Variants in GPC3 observed in about 807,000 individuals in gnomAD.
GPC3 encodes the protein glypican-3.
Under a neutral mutation model 34.4 loss-of-function variants are expected in GPC3, and 3 were observed. The ratio of observed to expected loss-of-function variants is 0.09; its 90% CI spans 0.04 to 0.23. The LOEUF is 0.23. Among genes scored for constraint, GPC3 ranks in the 10% least tolerant of loss-of-function variants. The probability of loss-of-function intolerance (pLI) is 1.00; values close to 1 mark genes in which losing one functional copy is unlikely to be tolerated. For missense variants in GPC3, 351 were observed against 445.6 expected (o/e 0.79, Z 1.91); for synonymous variants, 177 against 174.0 (o/e 1.02, Z -0.13).
chrX:133,867,741 C>T (rs1364470372), intron 2 of GPC3, among the ~76,000 whole-genome samples: 2 of 107,445 alleles, frequency 1.9e-5, no homozygotes, highest in African/African-American at 6.8e-5. Context: ...CCGTCTTGTA[C>T]CCATATAAAC....
At chrX:133,892,350 T>A (rs1468052512) in intron 2 of GPC3, among the ~76,000 whole-genome samples, 1 of 111,534 alleles carries the variant, frequency 9.0e-6, no homozygotes, top group African/African-American at 3.3e-5. Flanking sequence ...AGCTCAGTTT[T>A]GCTCCTTCAC....
At chrX:133,728,201 G>A (rs943890286) in intron 3 of GPC3, among the ~76,000 whole-genome samples, 2 of 111,930 alleles carry the variant, frequency 1.8e-5, no homozygotes, top group East Asian at 2.8e-4. Context: ...AGTGGCCTAC[G>A]TGTCAATGAA....
At chrX:133,748,851 T>C (rs1413302132) in intron 3 of GPC3, among the ~76,000 whole-genome samples, 1 of 112,039 alleles carries the variant, frequency 8.9e-6, no homozygotes, top group African/African-American at 3.3e-5. Context: ...ACTAATTGCC[T>C]GTGGAACTTA....
intron 3 of GPC3, among the ~76,000 whole-genome samples, chrX:133,726,361 A>T (rs2071407772): frequency 8.9e-6 from 1 of 111,891 alleles, no homozygotes; most frequent in Middle Eastern, 4.3e-3. Context: ...CAGATTAATG[A>T]GTCATCATAA....
At chrX:133,661,387 T>C (rs1436206485) in intron 6 of GPC3, among the ~76,000 whole-genome samples, 6 of 111,090 alleles carry the variant, frequency 5.4e-5, no homozygotes, top group Non-Finnish European at 1.1e-4. Context: ...GTGAGAAATA[T>C]TTTTCCCTCT....
intron 2 of GPC3, among the ~76,000 whole-genome samples, chrX:133,778,502 T>G (rs1389342934): frequency 8.9e-6 from 1 of 112,199 alleles, no homozygotes; most frequent in Non-Finnish European, 1.9e-5. Flanking sequence ...TGATACGAAT[T>G]GAAACAGCAA....
intron 1 of GPC3, among the ~76,000 whole-genome samples, chrX:133,970,923 T>C (rs1275407032): frequency 2.7e-5 from 3 of 111,427 alleles, no homozygotes; most frequent in Admixed American, 9.6e-5. Flanking sequence ...AATAGTCCAA[T>C]TGGAATACAA....
chrX:133,536,917 C>T (rs1440093547), intron 7 of GPC3, among the ~76,000 whole-genome samples: 2 of 111,412 alleles, frequency 1.8e-5, no homozygotes, highest in Admixed American at 9.6e-5. Context: ...TTCATTTCCC[C>T]CTAAAAAGAA....
chrX:133,982,511 C>A (rs2076545344), intron 1 of GPC3, among the ~76,000 whole-genome samples: 1 of 112,042 alleles, frequency 8.9e-6, no homozygotes, highest in African/African-American at 3.2e-5. Context: ...CTAGTGTAGT[C>A]CTTCAGCACC....
At chrX:133,537,053 T>C (rs1171714824) in intron 7 of GPC3, among the ~76,000 whole-genome samples, 2 of 111,780 alleles carry the variant, frequency 1.8e-5, no homozygotes, top group African/African-American at 6.5e-5. Context: ...TGATATATGT[T>C]CATGATTCTG....
chrX:133,951,310 T>A (rs1233636372), intron 2 of GPC3, among the ~76,000 whole-genome samples: 1 of 110,184 alleles, frequency 9.1e-6, no homozygotes, highest in African/African-American at 3.3e-5. Context: ...AGTGCAGAAC[T>A]GGACAGAGGT....
chrX:133,819,940 T>C (rs1373938465), intron 2 of GPC3, among the ~76,000 whole-genome samples: 1 of 112,224 alleles, frequency 8.9e-6, no homozygotes, highest in African/African-American at 3.2e-5. Context: ...AAATCTATTC[T>C]TACCATTACT....
chrX:133,796,032 G>A (rs1383612479), intron 2 of GPC3, among the ~76,000 whole-genome samples: 4 of 96,840 alleles, frequency 4.1e-5, no homozygotes, highest in Admixed American at 1.2e-4. Flanking sequence ...TGCAAGCTCC[G>A]CCTCCCGGGT....
intron 2 of GPC3, among the ~76,000 whole-genome samples, chrX:133,853,201 A>G (rs1343522373): frequency 9.0e-6 from 1 of 111,579 alleles, no homozygotes; most frequent in East Asian, 2.8e-4. Context: ...AGTGGGTGTG[A>G]TACTACACAA....
intron 1 of GPC3, among the ~76,000 whole-genome samples, chrX:133,956,894 T>C (rs1387269669): frequency 2.7e-5 from 3 of 111,703 alleles, no homozygotes; most frequent in Non-Finnish European, 5.6e-5. Context: ...TGAACTACCA[T>C]GACACCAGTT....
intron 6 of GPC3, among the ~76,000 whole-genome samples, chrX:133,606,262 T>C (rs1359286185): frequency 9.0e-6 from 1 of 111,545 alleles, no homozygotes; most frequent in African/African-American, 3.3e-5. Context: ...AAGTGGAAAA[T>C]TTCCAATAAT....
intron 6 of GPC3, among the ~76,000 whole-genome samples, chrX:133,615,622 G>A (rs2070153665): frequency 9.2e-6 from 1 of 109,237 alleles, no homozygotes; most frequent in Non-Finnish European, 1.9e-5. Flanking sequence ...GGGGCTAGGA[G>A]AGGGATAGCA....
chrX:133,565,980 G>T (rs1406433195), intron 7 of GPC3, among the ~76,000 whole-genome samples: 1 of 112,278 alleles, frequency 8.9e-6, no homozygotes, highest in Admixed American at 9.4e-5. Flanking sequence ...GTTGCCAAGA[G>T]AATTAAATGA....
At chrX:133,826,288 A>T (rs1010874776) in intron 2 of GPC3, among the ~76,000 whole-genome samples, 1 of 112,078 alleles carries the variant, frequency 8.9e-6, no homozygotes. Context: ...CATCTAAAGA[A>T]CTAAAGGTAA....
Sources: allele counts gnomAD v4.1 joint callset (sites outside exome capture counted in the v4.1 genomes callset), GRCh38; gene constraint gnomAD v4.1.1; transcripts MANE v1.5; gene names NCBI Gene and HGNC (gene_info 2026-07-23, HGNC 2026-07-21).